The following MPHOSPH9 variants were observed in gnomAD, a reference collection of about 807,000 sequenced individuals.
MPHOSPH9 encodes M-phase phosphoprotein 9.
A neutral mutation model predicts 145.5 loss-of-function variants in MPHOSPH9; 88 were observed. The ratio of observed to expected loss-of-function variants is 0.60; its 90% CI spans 0.51 to 0.72. The LOEUF (loss-of-function observed/expected upper bound fraction) is 0.72. MPHOSPH9 is among the 30% of genes least tolerant of loss of function. The pLI is 0.00. For synonymous variants in MPHOSPH9, 435 were observed against 486.2 expected (o/e 0.89, Z 1.39); for missense variants, 1,238 against 1,386.6 (o/e 0.89, Z 1.70).
At chr12:123,162,737 T>G (rs2044160885) in intron 20 of MPHOSPH9, 1 of 323,334 alleles carries the variant, frequency 3.1e-6, no homozygotes, top group East Asian at 5.7e-5. Context: ...ATAAACCTTT[T>G]CAGGAAAACA....
chr12:123,176,637 A>T, intron 16 of MPHOSPH9, 51 bp downstream of exon 16: 1 of 1,366,926 alleles, frequency 7.3e-7, no homozygotes, highest in Non-Finnish European at 1.0e-6. Context: ...TCGTCTTAAT[A>T]AAAGCATGCA....
At chr12:123,193,011 GT>G (rs1454059568) in intron 13 of MPHOSPH9, among the ~76,000 whole-genome samples, 1 of 141,876 alleles carries the variant, frequency 7.0e-6, no homozygotes, top group Non-Finnish European at 1.5e-5. Flanking sequence ...GGCAGAGTTT[GT>G]AGTGAGCCAA....
At chr12:123,234,529 G>A (rs1009072652), upstream of MPHOSPH9, among the ~76,000 whole-genome samples, 3 of 152,098 alleles carry the variant, frequency 2.0e-5, no homozygotes, top group African/African-American at 7.2e-5. Flanking sequence ...CCGAGTAGCC[G>A]GGAATACCGG....
chr12:123,234,897 G>A (rs7304782), upstream of MPHOSPH9, among the ~76,000 whole-genome samples: 89,826 of 152,092 alleles, frequency 0.59, 30,796 homozygotes, highest in Non-Finnish European at 0.75. Flanking sequence ...TCACAGACCA[G>A]AATTATGATC....
Position 123,202,674 on chromosome 12 carries a change from G to A in MPHOSPH9, c.1731C>T (p.Val577=). 1 of 1,614,146 alleles carries A rather than the reference G, an allele frequency of 6.2e-7. No individual in the cohort carries two copies. Among genetic ancestry groups the A allele is most frequent in the South Asian group, 1.1e-5 (1 of 91,080 alleles). Residue 577 remains valine (V), a synonymous_variant, in exon 10 of 24, where the codon GTC becomes GTT. Transcript: ENST00000606320. ...QSQLPGTANS[V]PECISLTSLE... ...AGGAAGTCAATGAAATGCATTCTGG[G>A]ACACTGTTGGCTGTACCTGGAAGCT...
At position 123,166,668 on chromosome 12, in the gene MPHOSPH9, T is replaced by C. The variant is rs1423331775; in HGVS notation, c.2578A>G (p.Thr860Ala). 2 of 1,613,226 alleles carry C rather than the reference T, an allele frequency of 1.2e-6. No individual in the cohort carries two copies. Among genetic ancestry groups the C allele is most frequent in the African/African-American group, 1.3e-5 (1 of 74,870 alleles). The change falls in exon 17 of 24, where the codon ACC becomes GCC. Residue 860 changes from threonine (T) to alanine (A), a missense_variant. By Grantham distance (58) the Thr-to-Ala change is moderately conservative. Coordinates refer to ENST00000606320, the MANE Select transcript of MPHOSPH9 (RefSeq NM_022782.4). Reference sequence around the variant, plus strand: ...AAGTTATCTCACCCTAGGCTACAGGTTTCCTCCAGCTGGTTATCCACGTTA... The same window carrying C: ...AAGTTATCTCACCCTAGGCTACAGGCTTCCTCCAGCTGGTTATCCACGTTA... ...DSNVDNQLEE[T>A]CSLGHRSPLE...
rs528336327 is a variant in MPHOSPH9 at position 123,181,583 on chromosome 12, C to T, written c.2242-373G>A. On this transcript the variant is annotated intron_variant, in intron 13 of 23. Transcript: ENST00000606320. ...AAACAAAAAAAAAACAAAAGCTGGG[C>T]TCGGTGGCTCACGCCTGTAATCCTA... is the stretch of plus-strand genomic sequence containing the variant. Among the ~76,000 whole-genome samples the T allele has an allele frequency of 5.3e-5, 8 of 151,466 alleles. No individual in the cohort carries two copies. The South Asian group carries it at 8.4e-4, about 16-fold the overall frequency.
intron 15 of MPHOSPH9, among the ~76,000 whole-genome samples, chr12:123,177,199 G>A (rs2044915648): frequency 6.6e-6 from 1 of 151,532 alleles, no homozygotes; most frequent in African/African-American, 2.4e-5. Flanking sequence ...AGAGTTGCAA[G>A]TCCATAAACA....
intron 5 of MPHOSPH9, among the ~76,000 whole-genome samples, chr12:123,220,054 C>T (rs1025232626): frequency 1.7e-4 from 25 of 151,514 alleles, no homozygotes; most frequent in African/African-American, 6.1e-4. Flanking sequence ...ATTAGCCGGA[C>T]GTGGCGGTAC....
Position 123,221,430 on chromosome 12 carries a change from C to A in MPHOSPH9, c.814G>T (p.Glu272Ter). ...TTATTTTCACCAAGAAAATTATGTTCAAATTCACCAGGAGAAATGGATACA... is the reference window on the plus strand; with the variant it reads ...TTATTTTCACCAAGAAAATTATGTTAAAATTCACCAGGAGAAATGGATACA... Reference protein sequence around the residue: ...EDVSISPGEFEHNFLGENKVS... With the variant: ...EDVSISPGEF The change falls in exon 5 of 24, where the codon GAA (glutamate) becomes TAA (stop). Residue 272 changes from glutamate to a stop codon, truncating the protein, a stop_gained. Transcript: ENST00000606320. LOFTEE classifies it high-confidence loss of function. 1.2e-6 allele frequency: 2 copies of A among 1,611,212 alleles called. No homozygotes were observed. Among genetic ancestry groups the A allele is most frequent in the South Asian group, 1.1e-5 (1 of 90,222 alleles).
chr12:123,199,262 AT>A (rs1427590511), intron 11 of MPHOSPH9, among the ~76,000 whole-genome samples: 11 of 152,106 alleles, frequency 7.2e-5, no homozygotes, highest in Non-Finnish European at 7.4e-5. Context: ...CTTCTGTACT[AT>A]TTCGAATTTA....
At chr12:123,226,699 G>C (rs1321185977) in intron 3 of MPHOSPH9, among the ~76,000 whole-genome samples, 1 of 151,880 alleles carries the variant, frequency 6.6e-6, no homozygotes, top group Non-Finnish European at 1.5e-5. Context: ...TGTGATCATA[G>C]CTCACTGCAA....
chr12:123,228,973 C>A (rs1194710197), intron 2 of MPHOSPH9, among the ~76,000 whole-genome samples: 1 of 152,140 alleles, frequency 6.6e-6, no homozygotes, highest in African/African-American at 2.4e-5. Flanking sequence ...TACTGTAGGA[C>A]CATTTCCTGT....
intron 13 of MPHOSPH9, among the ~76,000 whole-genome samples, chr12:123,193,823 G>GTTTTTTT (rs35393288): frequency 6.8e-6 from 1 of 146,354 alleles, no homozygotes; most frequent in Non-Finnish European, 1.5e-5. Flanking sequence ...TGCAGACACA[G>GTTTTTTT]TTTTTTTTTT....
At chr12:123,174,801 G>A (rs750073263) in intron 16 of MPHOSPH9, among the ~76,000 whole-genome samples, 2 of 152,136 alleles carry the variant, frequency 1.3e-5, no homozygotes, top group African/African-American at 2.4e-5. Context: ...TGGAAATTCT[G>A]ATCTCTTCCC....
At chr12:123,178,637 C>T (rs994847553) in intron 15 of MPHOSPH9, among the ~76,000 whole-genome samples, 5 of 152,138 alleles carry the variant, frequency 3.3e-5, no homozygotes, top group Non-Finnish European at 5.9e-5. Flanking sequence ...GATTCTCCTG[C>T]CTCACCCTCC....
At chr12:123,154,145 A>T (rs547831566), downstream of MPHOSPH9, 1 of 152,118 alleles carries the variant, frequency 6.6e-6, no homozygotes, top group South Asian at 2.1e-4. Context: ...AGATCCAGGC[A>T]TCAGGGGAGA....
chr12:123,176,988 G>T (rs1470676741), intron 15 of MPHOSPH9, among the ~76,000 whole-genome samples, 199 bp from the exon 16 acceptor site: 2 of 151,092 alleles, frequency 1.3e-5, no homozygotes, highest in African/African-American at 4.9e-5. Context: ...TCAAGAGATG[G>T]AGAACATCCT....
chr12:123,227,468 A>G lies in MPHOSPH9; in HGVS notation c.253T>C (p.Cys85Arg), dbSNP rs751976423. ...GKTDSELWKN[C>R]ETRWLQLFNL... is the part of the protein sequence containing the mutation. ...AATAAAACAAAATTAGATACCTCAC[A>G]GTTTTTCCAAAGTTCCGAATCAGTC... Residue 85 changes from cysteine to arginine, a missense_variant, in exon 3 of 24, where the codon TGT becomes CGT. This residue lies in a region of MPHOSPH9 where 837 missense variants were observed against 897.5 expected (regional missense o/e 0.93). Transcript: ENST00000606320. The G allele has an allele frequency of 5.4e-6, 8 of 1,489,900 alleles. No individual in the cohort carries two copies. The highest frequency in any genetic ancestry group is 7.1e-6 in the Non-Finnish European group (8 of 1,123,398). 92.3% of individuals were successfully genotyped at this position (1,489,900 alleles called of 1,614,324 possible). A position where few individuals can be genotyped will look rare whatever the true frequency, so the allele number is the denominator to read the frequency against.
Sources: allele counts gnomAD v4.1 joint callset (sites outside exome capture counted in the v4.1 genomes callset), GRCh38; gene constraint gnomAD v4.1.1; regional missense constraint gnomAD v4.1.1; transcripts MANE v1.5; gene names NCBI Gene and HGNC (gene_info 2026-07-23, HGNC 2026-07-21).